Variants in VIT observed in about 807,000 individuals in gnomAD.
The protein encoded by VIT is vitrin.
Under a neutral mutation model 78.0 loss-of-function variants are expected in VIT, and 99 were observed. The ratio of observed to expected loss-of-function variants is 1.27; its 90% confidence interval spans 1.08 to 1.50. The LOEUF is 1.50. Ranked by LOEUF, VIT falls within the 40% of genes most tolerant of loss-of-function variation. The pLI, the probability that VIT is intolerant of heterozygous loss-of-function variation, is 0.00. For synonymous variants in VIT, 374 were observed against 334.3 expected (o/e 1.12, Z -1.29); for missense variants, 1,126 against 875.3 (o/e 1.29, Z -3.61).
chr2:36,715,399 T>C (rs767008848), intron 1 of VIT, among the ~76,000 whole-genome samples: 45 of 152,120 alleles, frequency 3.0e-4, no homozygotes, highest in Non-Finnish European at 5.6e-4. Flanking sequence ...CAGCCAGGCA[T>C]GGTGGCACAT....
At chr2:36,777,808 T>A (rs750272229) in intron 9 of VIT, among the ~76,000 whole-genome samples, 12 of 152,248 alleles carry the variant, frequency 7.9e-5, no homozygotes. Flanking sequence ...ATCCTTGTAA[T>A]CTTTGTGTCA....
At chr2:36,804,391 C>A (rs993316174) in intron 13 of VIT, among the ~76,000 whole-genome samples, 1 of 152,224 alleles carries the variant, frequency 6.6e-6, no homozygotes, top group Non-Finnish European at 1.5e-5. Flanking sequence ...CCAGCAGGAG[C>A]CTCAGGCTCA....
chr2:36,794,514 T>C lies in VIT; in HGVS notation c.1059-6787T>C, dbSNP rs1273307150. ...GAAAAGGACACATATACGCTGGTCCTGAGACCTGCCACGGACTGCAGATTC... is the reference window on the plus strand; with the variant it reads ...GAAAAGGACACATATACGCTGGTCCCGAGACCTGCCACGGACTGCAGATTC... On this transcript the variant is annotated intron_variant, in intron 12 of 15. Transcript: ENST00000379242. Among the ~76,000 whole-genome samples the C allele has an allele frequency of 2.6e-5, 4 of 152,368 alleles. No homozygotes were observed. The East Asian group carries it at 5.8e-4, about 22-fold the overall frequency.
At chr2:36,732,751 T>C (rs1573177610) in intron 3 of VIT, among the ~76,000 whole-genome samples, 1 of 152,154 alleles carries the variant, frequency 6.6e-6, no homozygotes, top group African/African-American at 2.4e-5. Flanking sequence ...CAGGCAATGA[T>C]AATGTCCACA....
At chr2:36,737,027 G>C (rs1667548444) in intron 3 of VIT, among the ~76,000 whole-genome samples, 1 of 152,110 alleles carries the variant, frequency 6.6e-6, no homozygotes, top group South Asian at 2.1e-4. Context: ...ATTAGGTATG[G>C]ACAAAGGAAC....
intron 8 of VIT, 53 bp downstream of exon 8, chr2:36,773,900 A>C: frequency 6.5e-7 from 1 of 1,545,162 alleles, no homozygotes; most frequent in Non-Finnish European, 8.8e-7. Flanking sequence ...GCTTGTTTAC[A>C]TGCGGTTCCT....
At chr2:36,784,106 C>T (rs1664939740) in intron 11 of VIT, among the ~76,000 whole-genome samples, 1 of 152,144 alleles carries the variant, frequency 6.6e-6, no homozygotes, top group African/African-American at 2.4e-5. Context: ...TGGAGAACAA[C>T]ACTAGGTGGA....
intron 13 of VIT, among the ~76,000 whole-genome samples, chr2:36,803,960 C>T (rs1306472055): frequency 1.3e-5 from 2 of 152,144 alleles, no homozygotes; most frequent in African/African-American, 4.8e-5. Flanking sequence ...CTCTATACAG[C>T]CATGCTGACT....
intron 1 of VIT, among the ~76,000 whole-genome samples, chr2:36,707,035 A>G (rs1210069875): frequency 1.3e-5 from 2 of 152,148 alleles, no homozygotes; most frequent in African/African-American, 4.8e-5. Flanking sequence ...TTCAAATGAG[A>G]AAACAGTTTA....
intron 1 of VIT, among the ~76,000 whole-genome samples, chr2:36,704,774 C>A (rs4670595): frequency 0.84 from 127,004 of 151,836 alleles, 53,753 homozygotes; most frequent in Middle Eastern, 0.95. Context: ...CCTCTCAGAA[C>A]TCTGTCATCT....
At chr2:36,765,412 G>A (rs535568705) in intron 6 of VIT, among the ~76,000 whole-genome samples, 1 of 37,324 alleles carries the variant, frequency 2.7e-5, no homozygotes, top group African/African-American at 6.2e-5. Context: ...CATGGCAGCA[G>A]GCGAGAGAGA....
chr2:36,744,047 A>C (rs1388029911), intron 4 of VIT, among the ~76,000 whole-genome samples: 1 of 152,176 alleles, frequency 6.6e-6, no homozygotes. Context: ...CTTATAAGTG[A>C]GAACATGCAA....
intron 12 of VIT, among the ~76,000 whole-genome samples, chr2:36,790,409 G>C (rs17494243): frequency 0.073 from 11,129 of 152,168 alleles, 563 homozygotes; most frequent in Non-Finnish European, 0.11. Context: ...CTTTGCACTG[G>C]CTGAGATCCT....
chr2:36,727,446 G>GCTCCCT (rs1204516681), intron 2 of VIT, among the ~76,000 whole-genome samples: 1 of 152,230 alleles, frequency 6.6e-6, no homozygotes, highest in Non-Finnish European at 1.5e-5. Context: ...GGGCCAGGGT[G>GCTCCCT]CTCATCCCAC....
At chr2:36,809,505 C>T (rs896027196) in intron 15 of VIT, among the ~76,000 whole-genome samples, 6 of 152,156 alleles carry the variant, frequency 3.9e-5, no homozygotes, top group African/African-American at 1.2e-4. Context: ...GCAACCTCTG[C>T]CTCCCAGGTT....
intron 15 of VIT, among the ~76,000 whole-genome samples, chr2:36,813,452 C>T (rs545394980): frequency 6.6e-6 from 1 of 152,160 alleles, no homozygotes; most frequent in South Asian, 2.1e-4. Context: ...CTGTCTCAAA[C>T]AAACAAACAA....
intron 12 of VIT, among the ~76,000 whole-genome samples, chr2:36,789,264 A>C (rs1665319543): frequency 6.6e-6 from 1 of 152,152 alleles, no homozygotes; most frequent in Admixed American, 6.5e-5. Context: ...CTCTCCTTGT[A>C]AGTGCTGCCA....
intron 15 of VIT, among the ~76,000 whole-genome samples, chr2:36,811,289 C>T (rs1389334965): frequency 1.3e-5 from 2 of 152,208 alleles, no homozygotes; most frequent in African/African-American, 4.8e-5. Context: ...CCAAGGCTCT[C>T]CTGCTTTCTC....
At chr2:36,754,309 T>TA (rs57128039) in intron 4 of VIT, among the ~76,000 whole-genome samples, 60,293 of 151,854 alleles carry the variant, frequency 0.4, 12,604 homozygotes, top group Non-Finnish European at 0.48. Flanking sequence ...AATGACAACG[T>TA]AAAAGTGCAA....
Sources: allele counts gnomAD v4.1 joint callset (sites outside exome capture counted in the v4.1 genomes callset), GRCh38; gene constraint gnomAD v4.1.1; transcripts MANE v1.5; gene names NCBI Gene and HGNC (gene_info 2026-07-23, HGNC 2026-07-21).